ANHX: variants seen among roughly 807,000 people sequenced by gnomAD.
The protein encoded by ANHX is anomalous homeobox protein.
A neutral mutation model predicts 38.9 loss-of-function variants in ANHX; 20 were observed. The observed-to-expected ratio is 0.51, with a 90% CI of 0.36 to 0.75. The LOEUF (loss-of-function observed/expected upper bound fraction) is 0.75. ANHX is among the 30% of genes least tolerant of loss of function. ANHX has a pLI of 0.00. For missense variants in ANHX, 475 were observed against 493.1 expected, an observed-to-expected ratio of 0.96 and a Z score of 0.35; for synonymous variants, 185 against 203.1, an observed-to-expected ratio of 0.91 and a Z score of 0.76.
At chr12:133,231,714 C>A in intron 2 of ANHX, 70 bp from the exon 3 acceptor site, 1 of 1,511,002 alleles carries the variant, frequency 6.6e-7, no homozygotes, top group South Asian at 1.2e-5. Context: ...CTGCATCTGC[C>A]ATCCCAAACC....
chr12:133,220,712 G>A (rs143867439), intron 8 of ANHX, among the ~76,000 whole-genome samples: 1 of 151,902 alleles, frequency 6.6e-6, no homozygotes, highest in South Asian at 2.1e-4. Flanking sequence ...CCCTGCCCCA[G>A]TCCTCCATCC....
intron 7 of ANHX, among the ~76,000 whole-genome samples, chr12:133,222,125 G>GCTTTCTGCTATTTCCT (rs1957116261): frequency 6.6e-6 from 1 of 152,172 alleles, no homozygotes. Flanking sequence ...CCATGTGCCT[G>GCTTTCTGCTATTTCCT]CTTTCTGCTA....
At chr12:133,219,193 C>T (rs1957075084) in intron 9 of ANHX, 90 bp downstream of exon 9, 1 of 1,220,680 alleles carries the variant, frequency 8.2e-7, no homozygotes, top group African/African-American at 1.5e-5. Context: ...GTATTCACTC[C>T]AGTGGCACTA....
chr12:133,234,150 C>G lies in ANHX; in HGVS notation c.207G>C (p.Leu69=). Residue 69 remains leucine (L), a synonymous_variant, in exon 2 of 10, where the codon CTG becomes CTC. Coordinates refer to ENST00000545940, the MANE Select transcript of ANHX (RefSeq NM_001372060.1). ...CCGCCTGCTGCTGCTCCTGCTGGTC[C>G]AGGACACGGGCGCACGCCAGGGCCA... The part of the protein sequence containing the change: ...ADVALACARV[L]DQQEQQQAAC... The G allele has an allele frequency of 6.5e-7, 1 of 1,536,080 alleles. No homozygotes were observed. Among genetic ancestry groups the G allele is most frequent in the Non-Finnish European group, 8.7e-7 (1 of 1,146,896 alleles).
chr12:133,219,367 G>C lies in ANHX; in HGVS notation c.1281C>G (p.Ser427Arg). The change falls in exon 9 of 10, where the codon AGC (serine) becomes AGG (arginine). Residue 427 changes from serine (S) to arginine (R), a missense_variant and splice_region_variant. Ser to Arg is a moderately radical substitution (Grantham distance 110). Transcript: ENST00000545940. ...ATGGGGCTGGGGCCAGCTCTGGAGGGCTGGAAAAGAGACAGTGTAAGAATA... is the reference window on the plus strand; with the variant it reads ...ATGGGGCTGGGGCCAGCTCTGGAGGCCTGGAAAAGAGACAGTGTAAGAATA... ...LQAPEFILTQ[S>R]PPELAPAPSA... 1 of 1,525,624 alleles carries C rather than the reference G, an allele frequency of 6.6e-7. No homozygotes were observed. Among genetic ancestry groups the C allele is most frequent in the Non-Finnish European group, 8.8e-7 (1 of 1,141,896 alleles). The allele number at this position is 1,525,624 out of a possible 1,614,324, so 94.5% of individuals were successfully genotyped here.
chr12:133,220,139 G>A (rs1055738068), intron 8 of ANHX, among the ~76,000 whole-genome samples: 1 of 152,210 alleles, frequency 6.6e-6, no homozygotes, highest in African/African-American at 2.4e-5. Context: ...CTTCATCACG[G>A]TGGTGGCCTC....
intron 1 of ANHX, 166 bp downstream of exon 1, chr12:133,235,640 AC>A (rs1464098801): frequency 1.8e-5 from 1 of 56,208 alleles, no homozygotes; most frequent in Non-Finnish European, 3.5e-5. Context: ...AGCGCCCCTC[AC>A]CTTCCGGGAC....
chr12:133,223,315 C>T (rs1265543910), intron 7 of ANHX, among the ~76,000 whole-genome samples: 1 of 151,868 alleles, frequency 6.6e-6, no homozygotes, highest in Admixed American at 6.6e-5. Flanking sequence ...GAGACTGGTC[C>T]CGGAGTTCCA....
intron 7 of ANHX, among the ~76,000 whole-genome samples, chr12:133,223,689 G>A (rs1566403360): frequency 6.6e-6 from 1 of 151,772 alleles, no homozygotes; most frequent in Non-Finnish European, 1.5e-5. Context: ...CTCATGATCC[G>A]CCTGCCTCAG....
In ANHX at chr12:133,221,446, C is replaced by T; in HGVS notation, c.1133-94G>A. 1 of 1,397,752 alleles carries T rather than the reference C, an allele frequency of 7.2e-7. No individual in the cohort carries two copies. The highest frequency in any genetic ancestry group is 9.5e-7 in the Non-Finnish European group (1 of 1,056,148). 86.6% of individuals were successfully genotyped at this position (1,397,752 alleles called of 1,614,324 possible). On this transcript the variant is annotated intron_variant, in intron 7 of 9. Transcript: ENST00000545940. The surrounding 1 kb of genome is among the most constrained non-coding windows in gnomAD (Gnocchi z 4.1). The stretch of plus-strand genomic sequence containing the variant: ...AGACCTCAAAGCACGGAGGCGGATG[C>T]AGCCTCCGGCCCAGCCAGCCCGCGC...
chr12:133,219,755 C>T lies in ANHX; in HGVS notation c.1281-388G>A, dbSNP rs544023928. 2.0e-5 allele frequency among the ~76,000 whole-genome samples: 3 copies of T among 152,250 alleles called. No homozygotes were observed. The South Asian group carries it at 6.2e-4, about 32-fold the overall frequency. On this transcript the variant is annotated intron_variant, in intron 8 of 9. Transcript: ENST00000545940. The stretch of plus-strand genomic sequence containing the variant: ...ACTAGCATGTGACATGGCCACGGCA[C>T]TCCTGGGCATGCACCATGAGAAATG...
At chr12:133,225,277 TTCC>T (rs1416892772) in intron 7 of ANHX, among the ~76,000 whole-genome samples, 1 of 148,306 alleles carries the variant, frequency 6.7e-6, no homozygotes, top group African/African-American at 2.6e-5. Context: ...TGGCAGCTCT[TTCC>T]TTTCAACTCT....
intron 5 of ANHX, 34 bp downstream of exon 5, chr12:133,226,896 TCCCCGA>T: frequency 6.8e-7 from 1 of 1,463,002 alleles, no homozygotes; most frequent in Non-Finnish European, 9.0e-7. Context: ...AGAAACCAGC[TCCCCGA>T]CCACAAGGAG....
At chr12:133,229,218 C>T (rs895153075) in intron 3 of ANHX, among the ~76,000 whole-genome samples, 2 of 152,176 alleles carry the variant, frequency 1.3e-5, no homozygotes, top group Non-Finnish European at 2.9e-5. Context: ...CTGAGCAATG[C>T]TGGAGTTGGA....
In ANHX at chr12:133,231,448, GCTTT is replaced by G. The variant is rs370797649; in HGVS notation, c.377+65_377+68del. ...CTCCACTTTGCTTCAGCCCCTCTGG[GCTTT>G]GCATGGTACATCTAATCCCTTGGGA... is the stretch of plus-strand genomic sequence containing the variant. On this transcript the variant is annotated intron_variant, in intron 3 of 9. Coordinates refer to ENST00000545940, the MANE Select transcript of ANHX (RefSeq NM_001372060.1). 2.9e-5 allele frequency: 45 copies of G among 1,525,708 alleles called. No homozygotes were observed. The African/African-American group carries it at 6.2e-4, about 21-fold the overall frequency. The allele number at this position is 1,525,708 out of a possible 1,614,324, so 94.5% of individuals were successfully genotyped here.
At chr12:133,230,138 C>T (rs1957248563) in intron 3 of ANHX, among the ~76,000 whole-genome samples, 1 of 152,242 alleles carries the variant, frequency 6.6e-6, no homozygotes, top group South Asian at 2.1e-4. Flanking sequence ...TGTCTGTTGA[C>T]TATTGTCCAC....
chr12:133,229,104 G>A lies in ANHX; in HGVS notation c.378-1157C>T, dbSNP rs572896258. On this transcript the variant is annotated intron_variant, in intron 3 of 9. Coordinates refer to ENST00000545940, the MANE Select transcript of ANHX (RefSeq NM_001372060.1). Reference sequence around the variant, plus strand: ...CTGAATCTTCCTCATCCTCCTCTGGGCTGCAAAGTCCCAGAGGTCTGTCCC... The same window carrying A: ...CTGAATCTTCCTCATCCTCCTCTGGACTGCAAAGTCCCAGAGGTCTGTCCC... Among the ~76,000 whole-genome samples, 14 of 152,134 alleles carry A rather than the reference G, an allele frequency of 9.2e-5. No individual in the cohort carries two copies. The South Asian group carries it at 2.9e-3, about 32-fold the overall frequency.
At chr12:133,222,829 G>A (rs1957129478) in intron 7 of ANHX, among the ~76,000 whole-genome samples, 2 of 152,146 alleles carry the variant, frequency 1.3e-5, no homozygotes, top group South Asian at 4.1e-4. Flanking sequence ...TGCATCCATA[G>A]AAAGTAACAA....
At chr12:133,232,077 A>G (rs1020525173) in intron 2 of ANHX, among the ~76,000 whole-genome samples, 1 of 152,210 alleles carries the variant, frequency 6.6e-6, no homozygotes, top group East Asian at 1.9e-4. Flanking sequence ...AGCAGTGGTT[A>G]TAACCACATG....
Sources: allele counts gnomAD v4.1 joint callset (sites outside exome capture counted in the v4.1 genomes callset), GRCh38; gene constraint gnomAD v4.1.1; non-coding constraint Gnocchi (gnomAD v3.1); transcripts MANE v1.5; gene names NCBI Gene and HGNC (gene_info 2026-07-23, HGNC 2026-07-21).